Variants in PTPN13 observed in about 807,000 individuals in gnomAD.
PTPN13 encodes protein tyrosine phosphatase non-receptor type 13, also known as tyrosine-protein phosphatase non-receptor type 13.
Under a neutral mutation model 284.0 loss-of-function variants are expected in PTPN13, and 191 were observed. The observed-to-expected ratio is 0.67, with a 90% CI of 0.60 to 0.76. The LOEUF is 0.76. Ranked by LOEUF, PTPN13 falls within the 30% of genes least tolerant of loss-of-function variation. The probability of loss-of-function intolerance (pLI) is 0.00; values close to 1 mark genes in which losing one functional copy is unlikely to be tolerated. For synonymous variants in PTPN13, 986 were observed against 1,022.3 expected (o/e 0.96, Z 0.68); for missense variants, 2,797 against 2,939.9 (o/e 0.95, Z 1.12).
At chr4:86,735,025 G>T in intron 14 of PTPN13, 150 bp downstream of exon 14, 1 of 840,752 alleles carries the variant, frequency 1.2e-6, no homozygotes, top group Non-Finnish European at 1.8e-6. Flanking sequence ...AGCACTCCAT[G>T]TATATCAATT....
At chr4:86,744,490 C>T (rs901155505) in intron 16 of PTPN13, among the ~76,000 whole-genome samples, 9 of 152,070 alleles carry the variant, frequency 5.9e-5, no homozygotes, top group African/African-American at 1.7e-4. Context: ...AAGTGGCAAA[C>T]GATGTTAATT....
At chr4:86,622,917 T>C (rs935045515) in intron 1 of PTPN13, among the ~76,000 whole-genome samples, 1 of 152,188 alleles carries the variant, frequency 6.6e-6, no homozygotes, top group Non-Finnish European at 1.5e-5. Context: ...TCTGAAACTT[T>C]CCCTCCAAAC....
At chr4:86,674,229 C>T (rs1451833576) in intron 3 of PTPN13, among the ~76,000 whole-genome samples, 2 of 152,104 alleles carry the variant, frequency 1.3e-5, no homozygotes, top group African/African-American at 2.4e-5. Context: ...ATATAGCAGG[C>T]TGTGGGTAAT....
rs1186040828 is a variant in PTPN13, at chr4:86,614,875, A to G, written c.-6+20086A>G. On this transcript the variant is annotated intron_variant, in intron 1 of 47. Transcript: ENST00000411767. ...AAAAATTATACTTGGTTTTTGAATTAAGAAAAAAACCTGGTTGTATTATAA... is the reference window on the plus strand; with the variant it reads ...AAAAATTATACTTGGTTTTTGAATTGAGAAAAAAACCTGGTTGTATTATAA... 2.6e-5 allele frequency among the ~76,000 whole-genome samples: 4 copies of G among 152,110 alleles called. No individual in the cohort carries two copies. In the East Asian group the frequency reaches 7.7e-4, roughly 29 times the overall value.
rs201697573 is a variant in PTPN13, at chr4:86,635,263, G to C, written c.7G>C (p.Val3Leu). The C allele has an allele frequency of 6.3e-7, 1 of 1,599,562 alleles. No homozygotes were observed. Among genetic ancestry groups the C allele is most frequent in the Admixed American group, 1.7e-5 (1 of 57,914 alleles). The change falls in exon 2 of 48, where the codon GTG (valine) becomes CTG (leucine). Residue 3 changes from valine (V) to leucine (L), a missense_variant. By Grantham distance (32) the Val-to-Leu change is conservative (BLOSUM62 1). Transcript: ENST00000411767. ...CCTTTGTTTCCCAGGTAATATGCAC[G>C]TGTCACTAGCTGAGGCCCTGGAGGT... MH[V>L]SLAEALEVRG... is the part of the protein sequence containing the mutation.
chr4:86,710,593 T>G (rs1407410572), intron 7 of PTPN13, among the ~76,000 whole-genome samples: 1 of 152,210 alleles, frequency 6.6e-6, no homozygotes, highest in Non-Finnish European at 1.5e-5. Context: ...GCCACAACTT[T>G]ATATGGTAAA....
At chr4:86,689,628 C>G in intron 5 of PTPN13, 1 of 701,988 alleles carries the variant, frequency 1.4e-6, no homozygotes, top group Non-Finnish European at 2.6e-6. Context: ...AGGTATTTCC[C>G]AAACCTTCTC....
At position 86,751,042 on chromosome 4, in the gene PTPN13, G is replaced by A. The variant is rs771563643; in HGVS notation, c.3084G>A (p.Ala1028=). Reference sequence around the variant, plus strand: ...CCCTCTTCAGTTCAAAGTCTGTTGCGAGTTTAAATAGAAGTCCTGAAAGGA... The same window carrying A: ...CCCTCTTCAGTTCAAAGTCTGTTGCAAGTTTAAATAGAAGTCCTGAAAGGA... ...VTKLNNSKSV[A]SLNRSPERRK... is the part of the protein sequence containing the mutation. Residue 1028 remains alanine (A), a synonymous_variant, in exon 19 of 48, where the codon GCG becomes GCA. Coordinates refer to ENST00000411767, the MANE Select transcript of PTPN13 (RefSeq NM_080683.3). 3 of 1,606,846 alleles carry A rather than the reference G, an allele frequency of 1.9e-6. No individual in the cohort carries two copies. Among genetic ancestry groups the A allele is most frequent in the Non-Finnish European group, 1.7e-6 (2 of 1,174,282 alleles).
intron 10 of PTPN13, among the ~76,000 whole-genome samples, chr4:86,722,854 T>C (rs1733820902): frequency 6.6e-6 from 1 of 152,198 alleles, no homozygotes; most frequent in African/African-American, 2.4e-5. Flanking sequence ...CTTGCTGCTC[T>C]GTGATTCTCA....
chr4:86,706,550 G>A (rs1731790112), intron 7 of PTPN13, among the ~76,000 whole-genome samples: 1 of 152,118 alleles, frequency 6.6e-6, no homozygotes, highest in Non-Finnish European at 1.5e-5. Flanking sequence ...GTATTTTGGT[G>A]GGGTTCTACT....
intron 2 of PTPN13, among the ~76,000 whole-genome samples, chr4:86,650,829 T>C (rs1373015670): frequency 6.6e-6 from 1 of 152,228 alleles, no homozygotes; most frequent in Non-Finnish European, 1.5e-5. Flanking sequence ...GTAGAGTGTT[T>C]AGGTTTTTCT....
intron 7 of PTPN13, among the ~76,000 whole-genome samples, chr4:86,704,405 A>G (rs1201500985): frequency 4.6e-5 from 7 of 152,168 alleles, no homozygotes; most frequent in Non-Finnish European, 7.4e-5. Flanking sequence ...TCTATTTAAT[A>G]TATTTCGTTT....
intron 1 of PTPN13, among the ~76,000 whole-genome samples, chr4:86,605,753 G>A (rs889873332): frequency 1.3e-5 from 2 of 151,486 alleles, no homozygotes; most frequent in Non-Finnish European, 1.5e-5. Flanking sequence ...TTTACACTTA[G>A]TGATAGTATC....
chr4:86,721,966 C>T (rs1054460133), intron 9 of PTPN13, among the ~76,000 whole-genome samples: 1 of 151,736 alleles, frequency 6.6e-6, no homozygotes, highest in African/African-American at 2.4e-5. Context: ...AGGCTGGTCT[C>T]GAACTCCTGG....
intron 1 of PTPN13, among the ~76,000 whole-genome samples, chr4:86,599,360 C>A (rs916860261): frequency 6.6e-6 from 1 of 152,014 alleles, no homozygotes; most frequent in African/African-American, 2.4e-5. Flanking sequence ...TATCTACAGG[C>A]CTTTTTACTA....
At position 86,771,351 on chromosome 4, in the gene PTPN13, G is replaced by A. The variant is rs746048155; in HGVS notation, c.4984G>A (p.Asp1662Asn). ...TGACAGCAGTGGGAGTGGAGAAGAT[G>A]ACTTAGTGACAGCTCCAGCAAACAT... Reference protein sequence around the residue: ...YSDSSGSGEDDLVTAPANISN... With the variant: ...YSDSSGSGEDNLVTAPANISN... The change falls in exon 31 of 48, where the codon GAC becomes AAC. Residue 1662 changes from aspartate (D) to asparagine (N), a missense_variant. Transcript: ENST00000411767. 1.2e-5 allele frequency: 19 copies of A among 1,588,066 alleles called. No homozygotes were observed. The highest frequency in any genetic ancestry group is 1.4e-5 in the Non-Finnish European group (16 of 1,166,990).
intron 1 of PTPN13, among the ~76,000 whole-genome samples, chr4:86,606,904 G>A (rs1007637440): frequency 1.3e-5 from 2 of 151,852 alleles, no homozygotes; most frequent in African/African-American, 2.4e-5. Flanking sequence ...CATAATGGTG[G>A]CCAGTACATT....
intron 2 of PTPN13, among the ~76,000 whole-genome samples, chr4:86,652,601 A>G (rs1436089844): frequency 6.6e-6 from 1 of 152,112 alleles, no homozygotes; most frequent in Non-Finnish European, 1.5e-5. Context: ...CTGGCCTATG[A>G]GGTGTCCAGT....
intron 9 of PTPN13, among the ~76,000 whole-genome samples, chr4:86,720,756 G>A (rs1231272088): frequency 6.6e-6 from 1 of 152,056 alleles, no homozygotes; most frequent in East Asian, 1.9e-4. Context: ...CTTGACAAAA[G>A]TTTCTATTCC....
Sources: allele counts gnomAD v4.1 joint callset (sites outside exome capture counted in the v4.1 genomes callset), GRCh38; gene constraint gnomAD v4.1.1; transcripts MANE v1.5; gene names NCBI Gene and HGNC (gene_info 2026-07-23, HGNC 2026-07-21).